Variants in KIFAP3 observed in about 807,000 individuals in gnomAD.
KIFAP3 encodes kinesin-associated protein 3.
KIFAP3 carries 68 observed loss-of-function variants against 106.5 expected under a neutral mutation model. That is an observed-to-expected ratio of 0.64 (90% CI 0.53 to 0.78). KIFAP3 has a LOEUF of 0.78. Among genes scored for constraint, KIFAP3 ranks in the 30% least tolerant of loss-of-function variants. The pLI is 0.00. For missense variants in KIFAP3, 780 were observed against 941.8 expected (o/e 0.83, Z 2.25); for synonymous variants, 320 against 311.5 (o/e 1.03, Z -0.29).
intron 2 of KIFAP3, among the ~76,000 whole-genome samples, chr1:170,049,739 A>C (rs1172200127): frequency 6.6e-6 from 1 of 152,154 alleles, no homozygotes; most frequent in Admixed American, 6.5e-5. Flanking sequence ...GACCTGCAGA[A>C]GAGGTGCCTG....
Position 169,954,027 on chromosome 1 carries a change from G to A in KIFAP3, c.2257C>T (p.His753Tyr). 1 of 1,612,182 alleles carries A rather than the reference G, an allele frequency of 6.2e-7. No homozygotes were observed. The highest frequency in any genetic ancestry group is 8.5e-7 in the Non-Finnish European group (1 of 1,178,392). The stretch of plus-strand genomic sequence containing the variant: ...ACTGTTTACCTGCCAGGAAATGAAT[G>A]CTGCCCAACAACATCTCCATTTTGA... ...HLQNGDVVGQ[H>Y]SFPGSLGMDG... is the part of the protein sequence containing the mutation. Residue 753 changes from histidine to tyrosine, a missense_variant, in exon 19 of 20, where the codon CAT becomes TAT. By Grantham distance (83) the His-to-Tyr change is moderately conservative (BLOSUM62 2). Around this residue, in one of 3 missense-constraint regions of KIFAP3, gnomAD observed 114 missense variants for 122.3 expected, o/e 0.93. Transcript: ENST00000361580.
intron 19 of KIFAP3, among the ~76,000 whole-genome samples, chr1:169,945,720 G>A (rs1042463661): frequency 1.3e-5 from 2 of 152,092 alleles, no homozygotes; most frequent in Middle Eastern, 3.2e-3. Flanking sequence ...AAAAGAAAGC[G>A]AATCACTTGA....
At chr1:169,990,985 AAT>A (rs1381651314) in intron 11 of KIFAP3, among the ~76,000 whole-genome samples, 3 of 152,120 alleles carry the variant, frequency 2.0e-5, no homozygotes, top group East Asian at 1.9e-4. Flanking sequence ...ATAAAATTAA[AAT>A]AGTTATTATA....
intron 16 of KIFAP3, among the ~76,000 whole-genome samples, chr1:169,976,436 T>G (rs573843489): frequency 5.1e-4 from 77 of 152,268 alleles, no homozygotes; most frequent in Admixed American, 4.6e-3. Context: ...AACCTTTTTT[T>G]TTTCATTAAG....
At chr1:170,026,236 A>G (rs1669094714) in intron 8 of KIFAP3, among the ~76,000 whole-genome samples, 1 of 152,118 alleles carries the variant, frequency 6.6e-6, no homozygotes, top group Admixed American at 6.5e-5. Flanking sequence ...CCCCATCCAG[A>G]GCTATGACAG....
chr1:170,074,688 A>T lies in KIFAP3; in HGVS notation c.-221T>A. On this transcript the variant is annotated 5_prime_UTR_variant, in exon 1 of 20. Coordinates refer to ENST00000361580, the MANE Select transcript of KIFAP3 (RefSeq NM_014970.4). ...ACTGGAGCGGCCCAGACCCGCCCAG[A>T]GTCGCCTAAGCCGGGCCGTCACGAC... is the stretch of plus-strand genomic sequence containing the variant. 7.1e-7 allele frequency: 1 copy of T among 1,414,758 alleles called. No homozygotes were observed. The highest frequency in any genetic ancestry group is 1.5e-5 in the South Asian group (1 of 66,946). 87.6% of individuals were successfully genotyped at this position (1,414,758 alleles called of 1,614,324 possible).
chr1:170,016,382 G>A, intron 10 of KIFAP3, 80 bp downstream of exon 10: 1 of 1,070,858 alleles, frequency 9.3e-7, no homozygotes, highest in Non-Finnish European at 1.4e-6. Flanking sequence ...TTGTTCAGGA[G>A]GCTTTTCAAC....
At chr1:170,007,381 T>C (rs1199046490) in intron 10 of KIFAP3, among the ~76,000 whole-genome samples, 2 of 151,426 alleles carry the variant, frequency 1.3e-5, no homozygotes, top group East Asian at 1.9e-4. Context: ...GGCATATTAA[T>C]ATATATGAAA....
At chr1:169,981,238 C>G (rs1666507963) in intron 15 of KIFAP3, among the ~76,000 whole-genome samples, 1 of 152,120 alleles carries the variant, frequency 6.6e-6, no homozygotes, top group Non-Finnish European at 1.5e-5. Flanking sequence ...AATGAAAAAT[C>G]CTAGAAATAA....
intron 15 of KIFAP3, 58 bp from the exon 16 acceptor site, chr1:169,978,241 A>G (rs1666332075): frequency 1.8e-6 from 2 of 1,100,062 alleles, no homozygotes. Flanking sequence ...CAAATTTAAA[A>G]TAATTGAGGG....
Position 169,942,910 on chromosome 1 carries a change from GC to G in KIFAP3, c.2273+11100del, listed in dbSNP as rs11396543. Among the ~76,000 whole-genome samples, 176 of 105,894 alleles carry G rather than the reference GC, an allele frequency of 1.7e-3. 9 individuals carry two copies. The highest frequency in any genetic ancestry group is 6.0e-3 in the African/African-American group (169 of 28,290). The allele number at this position is 105,894 out of a possible 152,430, so 69.5% of individuals were successfully genotyped here. On this transcript the variant is annotated intron_variant, in intron 19 of 19. Transcript: ENST00000361580. ...TACTTCCGTAAGCAGTTTTAAAGAC[GC>G]CCCCCCCCACCCCTTTAAAAAACAC...
intron 10 of KIFAP3, 81 bp from the exon 11 acceptor site, chr1:169,992,336 A>C (rs1309323840): frequency 3.6e-6 from 2 of 555,744 alleles, no homozygotes; most frequent in African/African-American, 2.0e-5. Flanking sequence ...ACTACAACTT[A>C]AACTACTGAA....
chr1:170,027,830 G>GA (rs1213825979), intron 8 of KIFAP3, among the ~76,000 whole-genome samples: 4 of 150,014 alleles, frequency 2.7e-5, no homozygotes, highest in African/African-American at 4.9e-5. Flanking sequence ...ACAAGAAACA[G>GA]AAAAAAAAAT....
chr1:170,028,983 T>C (rs2102035665), intron 8 of KIFAP3, among the ~76,000 whole-genome samples: 1 of 152,182 alleles, frequency 6.6e-6, no homozygotes, highest in East Asian at 1.9e-4. Flanking sequence ...AAAGCCAATC[T>C]AAATGCTGTT....
intron 1 of KIFAP3, among the ~76,000 whole-genome samples, chr1:170,055,892 G>T (rs1030738954): frequency 6.6e-6 from 1 of 152,094 alleles, no homozygotes; most frequent in Non-Finnish European, 1.5e-5. Context: ...AGTGACTTGG[G>T]AGACCAACAT....
intron 1 of KIFAP3, 152 bp from the exon 2 acceptor site, chr1:170,055,588 T>C (rs1670803408): frequency 1.9e-6 from 1 of 529,336 alleles, no homozygotes; most frequent in African/African-American, 1.9e-5. Flanking sequence ...ACTCTTTTTC[T>C]CTGTTTTATA....
At chr1:169,936,961 T>TTTTA (rs1553272084) in intron 19 of KIFAP3, among the ~76,000 whole-genome samples, 19 of 145,818 alleles carry the variant, frequency 1.3e-4, no homozygotes, top group South Asian at 8.5e-4. Context: ...GGAATATATA[T>TTTTA]TATATATATA....
chr1:169,936,669 A>G (rs2101799540), intron 19 of KIFAP3, among the ~76,000 whole-genome samples: 1 of 151,802 alleles, frequency 6.6e-6, no homozygotes. Context: ...GTGTGTGTAT[A>G]AGAAGATACT....
At chr1:170,002,775 G>T (rs1278940399) in intron 10 of KIFAP3, among the ~76,000 whole-genome samples, 2 of 152,108 alleles carry the variant, frequency 1.3e-5, no homozygotes, top group Admixed American at 1.3e-4. Context: ...CTTAACACAA[G>T]TACACCAGAT....
Sources: gnomAD v4.1 joint callset for allele counts (sites outside exome capture counted in the v4.1 genomes callset) on GRCh38, gnomAD v4.1.1 for gene constraint, gnomAD v4.1.1 regional missense constraint, MANE v1.5 for transcripts, NCBI Gene and HGNC (gene_info 2026-07-23, HGNC 2026-07-21) for gene names.